CPNE8: variants seen among roughly 807,000 people sequenced by gnomAD.
CPNE8 encodes the protein copine 8.
In CPNE8, 45 loss-of-function variants were observed where a neutral mutation model predicts 81.5. The observed-to-expected ratio is 0.55, with a 90% CI of 0.44 to 0.71. The LOEUF is 0.71. CPNE8 is among the 30% of genes least tolerant of loss of function. The pLI is 0.00. For missense variants in CPNE8, 594 were observed against 672.1 expected (o/e 0.88, Z 1.28); for synonymous variants, 252 against 226.3 (o/e 1.11, Z -1.02).
intron 10 of CPNE8, among the ~76,000 whole-genome samples, chr12:38,749,410 C>A (rs1034795429): frequency 5.3e-5 from 8 of 151,530 alleles, no homozygotes; most frequent in African/African-American, 2.0e-4. Context: ...TGAAAAGATA[C>A]CCAAAAATGT....
chr12:38,703,766 G>A (rs1940014319), intron 13 of CPNE8, among the ~76,000 whole-genome samples: 1 of 152,066 alleles, frequency 6.6e-6, no homozygotes. Flanking sequence ...ACAAAATCAT[G>A]TACAAAAATC....
intron 13 of CPNE8, among the ~76,000 whole-genome samples, chr12:38,715,213 T>G (rs74087357): frequency 0.035 from 5,347 of 152,190 alleles, 292 homozygotes; most frequent in African/African-American, 0.12. Flanking sequence ...TTTCACACTC[T>G]TTCTCTATCC....
chr12:38,681,956 C>T (rs867450691), intron 16 of CPNE8, among the ~76,000 whole-genome samples: 24 of 152,204 alleles, frequency 1.6e-4, no homozygotes, highest in African/African-American at 5.3e-4. Flanking sequence ...CCCAGTGGCT[C>T]ATGCCAGTAA....
intron 13 of CPNE8, among the ~76,000 whole-genome samples, chr12:38,714,936 C>A (rs371142705): frequency 3.9e-5 from 6 of 152,052 alleles, no homozygotes; most frequent in African/African-American, 1.4e-4. Flanking sequence ...AAAATAAGTT[C>A]CTTTGAAGGA....
At chr12:38,859,923 A>G (rs572537401) in intron 3 of CPNE8, among the ~76,000 whole-genome samples, 38 of 152,308 alleles carry the variant, frequency 2.5e-4, no homozygotes, top group African/African-American at 9.1e-4. Flanking sequence ...AAATGAAGTA[A>G]AGACATACAT....
intron 10 of CPNE8, among the ~76,000 whole-genome samples, chr12:38,735,766 C>A (rs184816824): frequency 8.5e-5 from 13 of 152,068 alleles, no homozygotes; most frequent in African/African-American, 3.1e-4. Context: ...CTGTCTAAAT[C>A]TGCAGAACTA....
intron 6 of CPNE8, among the ~76,000 whole-genome samples, chr12:38,783,943 C>A (rs1266231434): frequency 6.6e-6 from 1 of 152,168 alleles, no homozygotes; most frequent in African/African-American, 2.4e-5. Context: ...ATACCTAACT[C>A]TTCAATGCTT....
intron 6 of CPNE8, among the ~76,000 whole-genome samples, chr12:38,826,088 A>G (rs1234286799): frequency 1.3e-5 from 2 of 152,116 alleles, no homozygotes; most frequent in African/African-American, 4.8e-5. Context: ...GCTACACTCA[A>G]GCTTTACATT....
chr12:38,844,390 G>T (rs1247159653), intron 4 of CPNE8, among the ~76,000 whole-genome samples: 1 of 151,994 alleles, frequency 6.6e-6, no homozygotes. Context: ...CAACAAAATG[G>T]ATTTATTAGG....
chr12:38,717,155 T>C (rs2136725482), intron 13 of CPNE8, among the ~76,000 whole-genome samples: 1 of 151,964 alleles, frequency 6.6e-6, no homozygotes, highest in Middle Eastern at 3.4e-3. Flanking sequence ...TTAGCATGGA[T>C]GTGGTGAAAA....
chr12:38,809,113 G>T (rs929524931), intron 6 of CPNE8, among the ~76,000 whole-genome samples: 5 of 152,078 alleles, frequency 3.3e-5, no homozygotes, highest in African/African-American at 1.2e-4. Flanking sequence ...TTCTAAAATT[G>T]CCAAAATAAA....
chr12:38,684,857 T>G (rs571518852), intron 16 of CPNE8, among the ~76,000 whole-genome samples: 3 of 152,196 alleles, frequency 2.0e-5, no homozygotes, highest in Non-Finnish European at 2.9e-5. Context: ...TAAAAAGTGT[T>G]GTCTAATTCA....
chr12:38,730,022 G>A, intron 11 of CPNE8, among the ~76,000 whole-genome samples: 1 of 151,926 alleles, frequency 6.6e-6, no homozygotes, highest in East Asian at 1.9e-4. Flanking sequence ...AAAGGCTGAA[G>A]CTTAAGAAAC....
In CPNE8 at chr12:38,821,334, T is replaced by C. The variant is rs138478801; in HGVS notation, c.407+8045A>G. Among the ~76,000 whole-genome samples, 466 of 152,286 alleles carry C rather than the reference T, an allele frequency of 3.1e-3. 5 individuals are homozygous for C. The highest frequency in any genetic ancestry group is 0.01 in the African/African-American group (431 of 41,568). ...TTTCTGATCCATAATCAATTCCTAG[T>C]AAAGATTTGTTGAATATATTATTTT... On this transcript the variant is annotated intron_variant, in intron 6 of 19. Coordinates refer to ENST00000331366, the MANE Select transcript of CPNE8 (RefSeq NM_153634.3).
At chr12:38,720,312 C>T (rs1320819244) in intron 13 of CPNE8, among the ~76,000 whole-genome samples, 1 of 152,120 alleles carries the variant, frequency 6.6e-6, no homozygotes, top group Non-Finnish European at 1.5e-5. Context: ...ATGCCATTTG[C>T]TCTGATTAGC....
At chr12:38,685,795 TTATGA>T in intron 15 of CPNE8, 178 bp from the exon 16 acceptor site, 1 of 500,306 alleles carries the variant, frequency 2.0e-6, no homozygotes, top group Non-Finnish European at 3.5e-6. Context: ...CAACAATCGA[TTATGA>T]TATATTATGT....
intron 13 of CPNE8, among the ~76,000 whole-genome samples, chr12:38,720,437 C>T (rs1940531441): frequency 6.6e-6 from 1 of 152,102 alleles, no homozygotes; most frequent in Admixed American, 6.5e-5. Flanking sequence ...TAGATTTGCA[C>T]CGCTGACCGA....
intron 5 of CPNE8, 62 bp from the exon 6 acceptor site, chr12:38,829,517 T>C (rs948689294): frequency 1.8e-6 from 2 of 1,125,392 alleles, no homozygotes; most frequent in African/African-American, 3.1e-5. Context: ...GTATATGTTT[T>C]GTACATCATA....
intron 6 of CPNE8, among the ~76,000 whole-genome samples, chr12:38,812,749 GCTTCTCACT>G (rs1379121407): frequency 2.0e-5 from 3 of 152,168 alleles, no homozygotes; most frequent in Non-Finnish European, 2.9e-5. Context: ...TATGGAAGTG[GCTTCTCACT>G]CTTCTGCTCT....
Sources: allele counts gnomAD v4.1 joint callset (sites outside exome capture counted in the v4.1 genomes callset), GRCh38; gene constraint gnomAD v4.1.1; transcripts MANE v1.5; gene names NCBI Gene and HGNC (gene_info 2026-07-23, HGNC 2026-07-21).